The following PPFIBP2 variants were observed in gnomAD, a reference collection of about 807,000 sequenced individuals.
PPFIBP2 encodes the protein liprin-beta-2.
Under a neutral mutation model 118.3 loss-of-function variants are expected in PPFIBP2, and 118 were observed. That is an observed-to-expected ratio of 1.00 (90% CI 0.86 to 1.16). The LOEUF is 1.16. Ranked by LOEUF, PPFIBP2 falls within the 50% of genes most tolerant of loss-of-function variation. The pLI, the probability that PPFIBP2 is intolerant of heterozygous loss-of-function variation, is 0.00. For missense variants in PPFIBP2, 1,195 were observed against 1,073.1 expected (o/e 1.11, Z -1.59); for synonymous variants, 414 against 397.4 (o/e 1.04, Z -0.50).
intron 1 of PPFIBP2, among the ~76,000 whole-genome samples, chr11:7,540,751 T>C (rs938336069): frequency 6.6e-6 from 1 of 152,236 alleles, no homozygotes; most frequent in East Asian, 1.9e-4. Context: ...GCTGCTGTCA[T>C]TCCTTTCCTT....
chr11:7,664,601 G>A, the PPFIBP2 span, among the ~76,000 whole-genome samples: 2 of 152,172 alleles, frequency 1.3e-5, no homozygotes, highest in Non-Finnish European at 2.9e-5. Context: ...AGAACCAGTA[G>A]GTGAGAGAAT....
Position 7,597,652 on chromosome 11 carries a change from T to A in PPFIBP2, c.465T>A (p.Ala155=), listed in dbSNP as rs773792345. 4 of 1,613,982 alleles carry A rather than the reference T, an allele frequency of 2.5e-6. No homozygotes were observed. Among genetic ancestry groups the A allele is most frequent in the Admixed American group, 1.7e-5 (1 of 59,992 alleles). The change falls in exon 5 of 24, where the codon GCT becomes GCA. Residue 155 remains alanine (A), a synonymous_variant. Transcript: ENST00000299492. The part of the protein sequence containing the change: ...CLEGHQVKLN[A]AEEMLQQELL... Reference sequence around the variant, plus strand: ...AAGGACACCAGGTGAAACTCAATGCTGCTGAAGAGATGCTTCAACAGGTAA... The same window carrying A: ...AAGGACACCAGGTGAAACTCAATGCAGCTGAAGAGATGCTTCAACAGGTAA...
rs544207136 is a variant in PPFIBP2, at chr11:7,631,756, T to C, written c.1068+728T>C. Among the ~76,000 whole-genome samples, 9 of 152,306 alleles carry C rather than the reference T, an allele frequency of 5.9e-5. No individual in the cohort carries two copies. The South Asian group carries it at 1.7e-3, about 28-fold the overall frequency. ...AAAGCATCATCCAGTGAGCCAGTTA[T>C]TGACTCAGAACAAGCACCCCAGATT... On this transcript the variant is annotated intron_variant, in intron 11 of 23. Transcript: ENST00000299492.
At chr11:7,553,179 C>G (rs1853187801) in intron 2 of PPFIBP2, among the ~76,000 whole-genome samples, 1 of 152,018 alleles carries the variant, frequency 6.6e-6, no homozygotes. Context: ...TTTATTTTCT[C>G]TATTTTCACC....
intron 2 of PPFIBP2, among the ~76,000 whole-genome samples, chr11:7,553,192 TG>T (rs1369399065): frequency 6.6e-6 from 1 of 152,072 alleles, no homozygotes; most frequent in East Asian, 1.9e-4. Context: ...TTTTCACCCT[TG>T]TTTCACTGAT....
intron 2 of PPFIBP2, among the ~76,000 whole-genome samples, chr11:7,562,974 T>TAC (rs1397557338): frequency 5.9e-5 from 7 of 119,346 alleles, no homozygotes; most frequent in African/African-American, 1.5e-4. Context: ...TATATATATA[T>TAC]ATACACGCAC....
At chr11:7,639,044 T>G (rs1851793365) in intron 14 of PPFIBP2, among the ~76,000 whole-genome samples, 3 of 152,224 alleles carry the variant, frequency 2.0e-5, no homozygotes, top group African/African-American at 7.2e-5. Context: ...TAAGAAGCCA[T>G]GATCACAATA....
At position 7,650,823 on chromosome 11, in the gene PPFIBP2, CCTT is replaced by C; in HGVS notation, c.2122-14_2122-12del. On this transcript the variant is annotated splice_polypyrimidine_tract_variant and intron_variant, in intron 21 of 23. Transcript: ENST00000299492. ...CTATTAAGCCTAACTTCCTCACTCT[CCTT>C]CTCCCTCTGACAGAGTAACCTTTCT... is the stretch of plus-strand genomic sequence containing the variant. 1 of 1,612,680 alleles carries C rather than the reference CCTT, an allele frequency of 6.2e-7. No individual in the cohort carries two copies.
At chr11:7,615,691 C>T (rs144969359) in intron 6 of PPFIBP2, among the ~76,000 whole-genome samples, 8 of 152,176 alleles carry the variant, frequency 5.3e-5, no homozygotes. Context: ...GGAAAACTGC[C>T]TTTCTAGCTC....
At chr11:7,516,132 C>T (rs1286598428) in intron 1 of PPFIBP2, among the ~76,000 whole-genome samples, 3 of 152,104 alleles carry the variant, frequency 2.0e-5, no homozygotes, top group Non-Finnish European at 4.4e-5. Flanking sequence ...ACCAAGTTCC[C>T]CCAGGTGATT....
At chr11:7,524,147 A>T (rs963472890) in intron 1 of PPFIBP2, among the ~76,000 whole-genome samples, 30 of 146,706 alleles carry the variant, frequency 2.0e-4, no homozygotes, top group South Asian at 8.9e-4. Flanking sequence ...TGTGTGAGAG[A>T]GAGAGAGAGA....
chr11:7,597,604 T>C lies in PPFIBP2; in HGVS notation c.417T>C (p.Ile139=). The change falls in exon 5 of 24, where the codon ATT becomes ATC. Residue 139 remains isoleucine (I), a synonymous_variant. Coordinates refer to ENST00000299492, the MANE Select transcript of PPFIBP2 (RefSeq NM_003621.5). ...TDQVEAQGEK[I]RDLEVCLEGH... ...AAGTAGAAGCCCAGGGAGAAAAGAT[T>C]CGAGACCTGGAAGTGTGTCTGGAAG... 6.2e-7 allele frequency: 1 copy of C among 1,614,022 alleles called. No individual in the cohort carries two copies. The highest frequency in any genetic ancestry group is 8.5e-7 in the Non-Finnish European group (1 of 1,179,996).
chr11:7,656,331 T>C (rs1854684858), downstream of PPFIBP2, among the ~76,000 whole-genome samples: 1 of 152,152 alleles, frequency 6.6e-6, no homozygotes, highest in Non-Finnish European at 1.5e-5. Context: ...GCAAGGCCCA[T>C]TGGGATGACA....
chr11:7,666,461 C>G, the PPFIBP2 span: 1 of 1,610,888 alleles, frequency 6.2e-7, no homozygotes, highest in Non-Finnish European at 8.5e-7. Flanking sequence ...CAATGGGAGG[C>G]CTGTCCAGGG....
chr11:7,617,286 G>C, intron 6 of PPFIBP2: 1 of 985,430 alleles, frequency 1.0e-6, no homozygotes, highest in Non-Finnish European at 1.2e-6. Context: ...CTGTTGGGAG[G>C]GGTCACCTGT....
chr11:7,599,697 C>A (rs1316456655), intron 5 of PPFIBP2, among the ~76,000 whole-genome samples: 1 of 147,790 alleles, frequency 6.8e-6, no homozygotes, highest in Admixed American at 6.8e-5. Flanking sequence ...GTGGCGCGAT[C>A]TCGGCTCACT....
At chr11:7,641,832 T>G in intron 16 of PPFIBP2, 2 of 585,158 alleles carry the variant, frequency 3.4e-6, no homozygotes, top group Non-Finnish European at 6.0e-6. Flanking sequence ...TTGCCTTTCA[T>G]GTCATGCATC....
chr11:7,563,093 G>C (rs150299730), intron 2 of PPFIBP2, among the ~76,000 whole-genome samples: 1 of 151,034 alleles, frequency 6.6e-6, no homozygotes, highest in Admixed American at 6.6e-5. Flanking sequence ...GGGCAGAGAG[G>C]GTCACAGAGA....
At position 7,649,340 on chromosome 11, in the gene PPFIBP2, T is replaced by C. The variant is rs1433778497; in HGVS notation, c.1998+105T>C. On this transcript the variant is annotated intron_variant, in intron 20 of 23. Coordinates refer to ENST00000299492, the MANE Select transcript of PPFIBP2 (RefSeq NM_003621.5). ...TTGATTCCATATATTCTTAAGGCCT[T>C]GAAATAGTATCATTTGTCACAAAAG... The C allele has an allele frequency of 4.0e-6, 5 of 1,262,914 alleles. No individual in the cohort carries two copies. In the South Asian group the frequency reaches 6.7e-5, roughly 17 times the overall value. The allele number at this position is 1,262,914 out of a possible 1,614,324, so 78.2% of individuals were successfully genotyped here.
Sources: allele counts gnomAD v4.1 joint callset (sites outside exome capture counted in the v4.1 genomes callset), GRCh38; gene constraint gnomAD v4.1.1; transcripts MANE v1.5; gene names NCBI Gene and HGNC (gene_info 2026-07-23, HGNC 2026-07-21).